The following CENPW variants were observed in gnomAD, a reference collection of about 807,000 sequenced individuals.
The protein encoded by CENPW is cancer-up-regulated gene 2 protein.
In CENPW, 3 loss-of-function variants were observed where a neutral mutation model predicts 11.1. The observed-to-expected ratio is 0.27, with a 90% CI of 0.12 to 0.70. The LOEUF (loss-of-function observed/expected upper bound fraction) is 0.70, where lower values mean the gene tolerates loss of function less well. Among genes scored for constraint, CENPW ranks in the 30% least tolerant of loss-of-function variants. CENPW has a pLI of 0.77. For missense variants in CENPW, 100 were observed against 105.6 expected, an observed-to-expected ratio of 0.95 and a Z score of 0.23; for synonymous variants, 38 against 42.0, an observed-to-expected ratio of 0.91 and a Z score of 0.37.
At chr6:126,412,833 C>A in the CENPW span, among the ~76,000 whole-genome samples, 1 of 152,040 alleles carries the variant, frequency 6.6e-6, no homozygotes, top group Admixed American at 6.6e-5. Context: ...CCTCTTCAGA[C>A]TTACTGTTGA....
chr6:126,400,505 G>T, the CENPW span, among the ~76,000 whole-genome samples: 1 of 151,964 alleles, frequency 6.6e-6, no homozygotes, highest in Non-Finnish European at 1.5e-5. Context: ...TTAACTCAGT[G>T]AAGTGACATC....
chr6:126,392,755 T>A, the CENPW span, among the ~76,000 whole-genome samples: 1 of 151,996 alleles, frequency 6.6e-6, no homozygotes, highest in Non-Finnish European at 1.5e-5. Context: ...CTTCTAGTAT[T>A]CTTTTTCTCA....
the CENPW span, among the ~76,000 whole-genome samples, chr6:126,473,619 G>A: frequency 6.6e-6 from 1 of 151,840 alleles, no homozygotes; most frequent in Non-Finnish European, 1.5e-5. Context: ...TTTAATTCCA[G>A]CTACTTTGGA....
At chr6:126,445,629 TTAAC>T in the CENPW span, among the ~76,000 whole-genome samples, 1 of 151,182 alleles carries the variant, frequency 6.6e-6, no homozygotes, top group South Asian at 2.1e-4. Context: ...AAATAAACTC[TTAAC>T]TAATTGAAAA....
At chr6:126,342,873 C>T (rs866844428) in intron 1 of CENPW, among the ~76,000 whole-genome samples, 60 of 152,228 alleles carry the variant, frequency 3.9e-4, no homozygotes, top group African/African-American at 1.3e-3. Context: ...TCATTTCTAG[C>T]ATTTTATTTA....
chr6:126,379,576 A>G, the CENPW span, among the ~76,000 whole-genome samples: 1 of 152,176 alleles, frequency 6.6e-6, no homozygotes, highest in Non-Finnish European at 1.5e-5. Context: ...GTTTATTCCA[A>G]CCAATGTGGT....
the CENPW span, among the ~76,000 whole-genome samples, chr6:126,461,307 T>C: frequency 2.6e-5 from 4 of 151,878 alleles, no homozygotes; most frequent in Admixed American, 1.3e-4. Context: ...CATGTGGAAC[T>C]GAAGGTCCAA....
the CENPW span, among the ~76,000 whole-genome samples, chr6:126,471,802 C>T: frequency 1.3e-5 from 2 of 152,114 alleles, no homozygotes; most frequent in Non-Finnish European, 2.9e-5. Context: ...AGAATGGGAC[C>T]TATGATGGTT....
chr6:126,378,667 A>G, the CENPW span, among the ~76,000 whole-genome samples: 17 of 152,188 alleles, frequency 1.1e-4, no homozygotes, highest in Non-Finnish European at 1.9e-4. Flanking sequence ...AATTAATCTT[A>G]TGTGGAAGGT....
downstream of CENPW, among the ~76,000 whole-genome samples, chr6:126,350,786 G>A (rs1160598389): frequency 1.3e-5 from 2 of 151,788 alleles, no homozygotes; most frequent in African/African-American, 4.8e-5. Flanking sequence ...AAGCATTAAT[G>A]TGAAAAAATT....
the CENPW span, among the ~76,000 whole-genome samples, chr6:126,373,046 A>G: frequency 6.6e-6 from 1 of 152,232 alleles, no homozygotes; most frequent in Non-Finnish European, 1.5e-5. Flanking sequence ...ATAGTTGAAT[A>G]ACTGTATTAA....
At chr6:126,381,956 C>A in the CENPW span, among the ~76,000 whole-genome samples, 3 of 152,040 alleles carry the variant, frequency 2.0e-5, no homozygotes, top group Non-Finnish European at 4.4e-5. Flanking sequence ...GCAATTAAAC[C>A]CTGAAGGTGG....
the CENPW span, among the ~76,000 whole-genome samples, chr6:126,388,341 G>A: frequency 6.6e-6 from 1 of 151,918 alleles, no homozygotes; most frequent in African/African-American, 2.4e-5. Context: ...TAATGTACAG[G>A]GCAGGGGGAA....
the CENPW span, among the ~76,000 whole-genome samples, chr6:126,382,022 T>C: frequency 6.6e-6 from 1 of 151,744 alleles, no homozygotes; most frequent in Non-Finnish European, 1.5e-5. Flanking sequence ...TCACCTGAGG[T>C]CAGGAGTTTG....
the CENPW span, among the ~76,000 whole-genome samples, chr6:126,384,191 C>T: frequency 2.0e-5 from 3 of 152,076 alleles, no homozygotes; most frequent in Non-Finnish European, 4.4e-5. Context: ...TCAAGAAGTT[C>T]GTTGAAACTA....
At chr6:126,354,710 G>C in the CENPW span, among the ~76,000 whole-genome samples, 1 of 152,082 alleles carries the variant, frequency 6.6e-6, no homozygotes, top group Non-Finnish European at 1.5e-5. Flanking sequence ...ACCTCTTTAA[G>C]AGTCTCCTTT....
the CENPW span, among the ~76,000 whole-genome samples, chr6:126,385,924 G>C: frequency 1.3e-5 from 2 of 152,062 alleles, no homozygotes; most frequent in African/African-American, 4.8e-5. Context: ...CATTCATATT[G>C]AAAAGAAGGA....
chr6:126,448,659 A>G, the CENPW span, among the ~76,000 whole-genome samples: 8 of 151,140 alleles, frequency 5.3e-5, no homozygotes, highest in East Asian at 1.6e-3. Flanking sequence ...ATCTTCTGGT[A>G]AATCCTAGGG....
the CENPW span, among the ~76,000 whole-genome samples, chr6:126,396,057 C>T: frequency 2.0e-5 from 3 of 152,098 alleles, no homozygotes; most frequent in Admixed American, 6.6e-5. Context: ...TTTGCTCACT[C>T]AAGAATCTAG....
Sources: gnomAD v4.1 joint callset for allele counts (sites outside exome capture counted in the v4.1 genomes callset) on GRCh38, gnomAD v4.1.1 for gene constraint, MANE v1.5 for transcripts, NCBI Gene and HGNC (gene_info 2026-07-23, HGNC 2026-07-21) for gene names.